MACROD2: variants seen among roughly 807,000 people sequenced by gnomAD.
MACROD2 encodes the protein ADP-ribose glycohydrolase MACROD2.
MACROD2 carries 36 observed loss-of-function variants against 70.4 expected under a neutral mutation model. The observed-to-expected ratio is 0.51, with a 90% CI of 0.39 to 0.68. MACROD2 has a LOEUF of 0.68. Among genes scored for constraint, MACROD2 ranks in the 30% least tolerant of loss-of-function variants. The pLI is 0.00. For missense variants in MACROD2, 496 were observed against 538.4 expected, an observed-to-expected ratio of 0.92 and a Z score of 0.78; for synonymous variants, 172 against 178.8, an observed-to-expected ratio of 0.96 and a Z score of 0.30.
intron 5 of MACROD2, among the ~76,000 whole-genome samples, chr20:14,918,134 C>T (rs1478312970): frequency 6.6e-6 from 1 of 151,974 alleles, no homozygotes; most frequent in Non-Finnish European, 1.5e-5. Context: ...CCACCATCCC[C>T]AGTTAATTTT....
chr20:16,018,445 C>T (rs1226047404), intron 15 of MACROD2, among the ~76,000 whole-genome samples: 2 of 152,098 alleles, frequency 1.3e-5, no homozygotes, highest in Non-Finnish European at 2.9e-5. Flanking sequence ...CCCATTCTCT[C>T]TCTCTCTTTT....
At chr20:14,797,754 T>C (rs748549686) in intron 5 of MACROD2, among the ~76,000 whole-genome samples, 9 of 152,214 alleles carry the variant, frequency 5.9e-5, no homozygotes, top group Non-Finnish European at 1.3e-4. Flanking sequence ...TTGTTTCTAA[T>C]TGTACACTAC....
In MACROD2 at chr20:13,995,685, C is replaced by T. The variant is rs2052626571; in HGVS notation, c.-79C>T. On this transcript the variant is annotated 5_prime_UTR_variant, in exon 1 of 18. Coordinates refer to ENST00000684519, the MANE Select transcript of MACROD2 (RefSeq NM_001351661.2). The surrounding 1 kb of genome is among the most constrained non-coding windows in gnomAD (Gnocchi z 4.3). ...TTCCCTGCTGAGTGCCCCCTCCCAC[C>T]CCTCCCACTCCACACACACCCTGTT... The T allele has an allele frequency of 1.8e-6, 2 of 1,088,932 alleles. No individual in the cohort carries two copies. Among genetic ancestry groups the T allele is most frequent in the East Asian group, 2.4e-5 (1 of 40,936 alleles). The allele number at this position is 1,088,932 out of a possible 1,614,324, so 67.5% of individuals were successfully genotyped here.
At chr20:14,485,526 C>T (rs543703254) in intron 3 of MACROD2, among the ~76,000 whole-genome samples, 2 of 151,936 alleles carry the variant, frequency 1.3e-5, no homozygotes, top group Non-Finnish European at 2.9e-5. Context: ...ACGGTGAAAC[C>T]CCGTCTCTAC....
At chr20:14,746,021 G>A (rs201913847) in intron 5 of MACROD2, among the ~76,000 whole-genome samples, 10 of 152,072 alleles carry the variant, frequency 6.6e-5, no homozygotes, top group South Asian at 2.1e-4. Context: ...CCCACACCCC[G>A]CCCCAATGCT....
intron 2 of MACROD2, among the ~76,000 whole-genome samples, chr20:14,030,485 T>A (rs914533536): frequency 6.6e-6 from 1 of 152,156 alleles, no homozygotes; most frequent in Non-Finnish European, 1.5e-5. Flanking sequence ...TTCGGCTAGC[T>A]GCAACCTCTG....
chr20:15,894,972 T>G (rs1244732089), intron 10 of MACROD2, among the ~76,000 whole-genome samples: 1 of 152,216 alleles, frequency 6.6e-6, no homozygotes, highest in Non-Finnish European at 1.5e-5. Flanking sequence ...GGTAATGAGC[T>G]GGGGCAAAGC....
chr20:15,995,791 T>C (rs1344658906), intron 15 of MACROD2, among the ~76,000 whole-genome samples: 1 of 151,860 alleles, frequency 6.6e-6, no homozygotes, highest in Non-Finnish European at 1.5e-5. Context: ...TCCTTCTTTT[T>C]ATGGCTGAGT....
At chr20:15,539,779 A>G (rs1213511525) in intron 8 of MACROD2, among the ~76,000 whole-genome samples, 1 of 152,214 alleles carries the variant, frequency 6.6e-6, no homozygotes, top group Non-Finnish European at 1.5e-5. Flanking sequence ...TGAGGTCAGG[A>G]GATCGAGACC....
chr20:15,208,676 T>C (rs549540637), intron 5 of MACROD2, among the ~76,000 whole-genome samples: 1 of 152,312 alleles, frequency 6.6e-6, no homozygotes, highest in East Asian at 1.9e-4. Context: ...GTTTTCTTTC[T>C]GCTGAGAAGA....
chr20:16,048,913 G>A (rs914830310), intron 17 of MACROD2, among the ~76,000 whole-genome samples: 2 of 152,090 alleles, frequency 1.3e-5, no homozygotes, highest in African/African-American at 4.8e-5. Flanking sequence ...CAAATGTCTC[G>A]CAGCAAGAAA....
intron 5 of MACROD2, among the ~76,000 whole-genome samples, chr20:14,706,260 G>A (rs1366841913): frequency 1.3e-5 from 2 of 151,500 alleles, no homozygotes; most frequent in African/African-American, 4.9e-5. Context: ...GTTGCAGTGA[G>A]CAGAGATGAT....
chr20:14,989,949 A>G (rs1036417993), intron 5 of MACROD2, among the ~76,000 whole-genome samples: 10 of 152,058 alleles, frequency 6.6e-5, no homozygotes, highest in Non-Finnish European at 2.9e-5. Flanking sequence ...AAAAGGAATT[A>G]TTTGTCTCTG....
At chr20:14,919,421 G>C (rs747980353) in intron 5 of MACROD2, among the ~76,000 whole-genome samples, 2 of 152,192 alleles carry the variant, frequency 1.3e-5, no homozygotes, top group Non-Finnish European at 2.9e-5. Flanking sequence ...TGCTGATTAT[G>C]AAAATGACTC....
intron 5 of MACROD2, among the ~76,000 whole-genome samples, chr20:14,928,336 T>C (rs2074258138): frequency 6.6e-6 from 1 of 152,212 alleles, no homozygotes; most frequent in Admixed American, 6.5e-5. Context: ...TGTTCATTTG[T>C]AAGACTAACT....
intron 8 of MACROD2, among the ~76,000 whole-genome samples, chr20:15,650,323 G>A (rs1001557826): frequency 5.9e-5 from 9 of 152,156 alleles, no homozygotes; most frequent in African/African-American, 2.2e-4. Flanking sequence ...CAACAGTTCC[G>A]TGGAGCAGGA....
At chr20:15,833,079 C>T (rs922600831) in intron 8 of MACROD2, among the ~76,000 whole-genome samples, 2 of 152,056 alleles carry the variant, frequency 1.3e-5, no homozygotes, top group Non-Finnish European at 2.9e-5. Context: ...TGCACAGCCC[C>T]TTGGGAGCCA....
intron 4 of MACROD2, among the ~76,000 whole-genome samples, chr20:14,508,550 T>C (rs1414735077): frequency 6.6e-6 from 1 of 152,102 alleles, no homozygotes; most frequent in Non-Finnish European, 1.5e-5. Flanking sequence ...TTTTCAGAGA[T>C]TTGACATTAG....
intron 5 of MACROD2, among the ~76,000 whole-genome samples, chr20:15,071,722 A>C (rs1251089118): frequency 3.3e-5 from 5 of 152,220 alleles, no homozygotes; most frequent in African/African-American, 1.2e-4. Flanking sequence ...ACAGTGCTGT[A>C]AATTAAAATT....
Sources: gnomAD v4.1 joint callset for allele counts (sites outside exome capture counted in the v4.1 genomes callset) on GRCh38, gnomAD v4.1.1 for gene constraint, Gnocchi (gnomAD v3.1) non-coding constraint, MANE v1.5 for transcripts, NCBI Gene and HGNC (gene_info 2026-07-23, HGNC 2026-07-21) for gene names.